Variants in C8orf76 observed in about 807,000 individuals in gnomAD.
C8orf76 encodes the protein uncharacterized protein C8orf76.
C8orf76 carries 46 observed loss-of-function variants against 38.1 expected under a neutral mutation model. That is an observed-to-expected ratio of 1.21 (90% CI 0.95 to 1.54). The LOEUF (loss-of-function observed/expected upper bound fraction) is 1.54. C8orf76 is among the 40% of genes most tolerant of loss of function. C8orf76 has a pLI of 0.00. For synonymous variants in C8orf76, 166 were observed against 167.5 expected (o/e 0.99, Z 0.07); for missense variants, 461 against 441.6 (o/e 1.04, Z -0.39).
intron 4 of C8orf76, among the ~76,000 whole-genome samples, chr8:123,230,939 C>T (rs1047273902): frequency 3.3e-5 from 5 of 152,104 alleles, no homozygotes; most frequent in South Asian, 2.1e-4. Flanking sequence ...TGAGCCACCG[C>T]GCCCGGCCCG....
intron 3 of C8orf76, chr8:123,237,041 G>A (rs1825519298): frequency 1.5e-6 from 2 of 1,371,054 alleles, no homozygotes; most frequent in Admixed American, 1.7e-5. Context: ...CCTGCACCTG[G>A]TGCTGCGCCT....
At chr8:123,231,174 C>T in intron 4 of C8orf76, 126 bp downstream of exon 4, 1 of 1,210,848 alleles carries the variant, frequency 8.3e-7, no homozygotes. Flanking sequence ...TTCAACACAA[C>T]CATAGGAAAA....
At chr8:123,222,689 A>G (rs1432002059) in intron 5 of C8orf76, among the ~76,000 whole-genome samples, 1 of 152,242 alleles carries the variant, frequency 6.6e-6, no homozygotes, top group Non-Finnish European at 1.5e-5. Flanking sequence ...CAAATGGCCA[A>G]TAACACATGA....
chr8:123,237,016 C>T (rs1825516567), intron 3 of C8orf76: 3 of 1,500,328 alleles, frequency 2.0e-6, no homozygotes, highest in South Asian at 2.3e-5. Flanking sequence ...ACTACAACAT[C>T]CAGAAGGAGT....
chr8:123,224,899 TATCTG>T (rs1824989448), intron 5 of C8orf76, among the ~76,000 whole-genome samples: 3 of 152,204 alleles, frequency 2.0e-5, no homozygotes, highest in Admixed American at 1.3e-4. Flanking sequence ...AAGCAATCAC[TATCTG>T]AGCTCAGAGG....
intron 5 of C8orf76, 35 bp downstream of exon 5, chr8:123,226,465 G>A: frequency 6.2e-7 from 1 of 1,602,992 alleles, no homozygotes; most frequent in Non-Finnish European, 8.5e-7. Flanking sequence ...TATCTATGAT[G>A]CTTCGTTTCA....
chr8:123,236,659 C>T (rs1825491974), intron 3 of C8orf76, among the ~76,000 whole-genome samples: 1 of 151,850 alleles, frequency 6.6e-6, no homozygotes, highest in Admixed American at 6.6e-5. Context: ...TGGTGCATGC[C>T]TGTAATCCTA....
chr8:123,231,273 G>A, intron 4 of C8orf76, 27 bp downstream of exon 4: 2 of 1,577,686 alleles, frequency 1.3e-6, no homozygotes, highest in Non-Finnish European at 1.7e-6. Context: ...TGATTACCAA[G>A]CGTTGCTTAA....
chr8:123,229,878 G>A (rs1405824623), intron 4 of C8orf76, among the ~76,000 whole-genome samples: 1 of 152,120 alleles, frequency 6.6e-6, no homozygotes, highest in East Asian at 1.9e-4. Context: ...TTAGCCGGGT[G>A]TGGTGGTGCA....
Position 123,241,310 on chromosome 8 carries a change from C to A in C8orf76, c.37G>T (p.Glu13Ter), listed in dbSNP as rs778931986. The A allele has an allele frequency of 8.3e-6, 13 of 1,573,588 alleles. No homozygotes were observed. Among genetic ancestry groups the A allele is most frequent in the Non-Finnish European group, 1.1e-5 (13 of 1,165,128 alleles). Reference sequence around the variant, plus strand: ...GGCCTCTCCTCGAACACCGAGTCCTCGAACTCGCCGCCGAACAACCAGCAC... The same window carrying A: ...GGCCTCTCCTCGAACACCGAGTCCTAGAACTCGCCGCCGAACAACCAGCAC... The part of the protein sequence containing the change: ...SGCWLFGGEF[E>*]DSVFEERPER... Residue 13 changes from glutamate (E) to a stop codon, truncating the protein, a stop_gained, in exon 1 of 6, where the codon GAG (glutamate) becomes TAG (stop). Coordinates refer to ENST00000276704, the MANE Select transcript of C8orf76 (RefSeq NM_032847.3). LOFTEE classifies it high-confidence loss of function.
intron 1 of C8orf76, 110 bp from the exon 2 acceptor site, chr8:123,239,254 C>A: frequency 8.3e-7 from 1 of 1,205,858 alleles, no homozygotes; most frequent in Non-Finnish European, 1.2e-6. Context: ...AAGACTTCTT[C>A]AAGAGTCTGG....
At chr8:123,222,129 C>T (rs1264471115) in intron 5 of C8orf76, among the ~76,000 whole-genome samples, 1 of 152,180 alleles carries the variant, frequency 6.6e-6, no homozygotes, top group Non-Finnish European at 1.5e-5. Flanking sequence ...GCTGGGATTA[C>T]AGGCGTGCGC....
In C8orf76 at chr8:123,231,602, T is replaced by C. The variant is rs1825273416; in HGVS notation, c.513A>G (p.Ala171=). The C allele has an allele frequency of 6.2e-7, 1 of 1,614,250 alleles. No homozygotes were observed. The highest frequency in any genetic ancestry group is 1.7e-5 in the Admixed American group (1 of 60,018). ...CTGGCCCCAGATTCAGGTAAGCCTC[T>C]GCCAATTTGCCCCAGTTCCAAGGAT... ...PFNPWNWGKL[A]EAYLNLGPAL... Residue 171 remains alanine, a synonymous_variant, in exon 4 of 6, where the codon GCA becomes GCG. Coordinates refer to ENST00000276704, the MANE Select transcript of C8orf76 (RefSeq NM_032847.3).
intron 4 of C8orf76, among the ~76,000 whole-genome samples, chr8:123,228,327 A>C (rs908736165): frequency 6.6e-6 from 1 of 152,174 alleles, no homozygotes; most frequent in African/African-American, 2.4e-5. Flanking sequence ...AGCTCTCTAA[A>C]TCACAGGTTT....
chr8:123,237,189 C>T (rs1421377581), intron 3 of C8orf76: 3 of 681,202 alleles, frequency 4.4e-6, no homozygotes, highest in Non-Finnish European at 8.0e-6. Flanking sequence ...GCCACACCAA[C>T]AACCTGTACC....
At position 123,229,515 on chromosome 8, in the gene C8orf76, G is replaced by A. The variant is rs554300922; in HGVS notation, c.815+1785C>T. ...CAACAGCTCCCTGACGTTGGTCACA[G>A]CACTGATATACTATTTAGCACCTGT... is the stretch of plus-strand genomic sequence containing the variant. On this transcript the variant is annotated intron_variant, in intron 4 of 5. Transcript: ENST00000276704. Among the ~76,000 whole-genome samples the A allele has an allele frequency of 4.6e-5, 7 of 152,318 alleles. No individual in the cohort carries two copies. The South Asian group carries it at 1.0e-3, about 23-fold the overall frequency.
intron 4 of C8orf76, among the ~76,000 whole-genome samples, chr8:123,230,794 C>A (rs1307435767): frequency 6.6e-6 from 1 of 152,072 alleles, no homozygotes; most frequent in Non-Finnish European, 1.5e-5. Context: ...GGACTACAGG[C>A]ACGTGCCACC....
intron 5 of C8orf76, among the ~76,000 whole-genome samples, chr8:123,225,124 G>C (rs922785003): frequency 6.6e-6 from 1 of 152,142 alleles, no homozygotes; most frequent in Non-Finnish European, 1.5e-5. Context: ...TCCCGCCTTA[G>C]CCTCCCGAGT....
At chr8:123,224,352 C>A (rs1212322829) in intron 5 of C8orf76, among the ~76,000 whole-genome samples, 1 of 152,182 alleles carries the variant, frequency 6.6e-6, no homozygotes, top group Non-Finnish European at 1.5e-5. Flanking sequence ...TGGCTCACAT[C>A]TATAATCCTA....
Sources: allele counts gnomAD v4.1 joint callset (sites outside exome capture counted in the v4.1 genomes callset), GRCh38; gene constraint gnomAD v4.1.1; transcripts MANE v1.5; gene names NCBI Gene and HGNC (gene_info 2026-07-23, HGNC 2026-07-21).